The following SNX30 variants were observed in gnomAD, a reference collection of about 807,000 sequenced individuals.
SNX30 encodes sorting nexin-30.
SNX30 carries 24 observed loss-of-function variants against 46.4 expected under a neutral mutation model. The observed-to-expected ratio is 0.52, with a 90% CI of 0.37 to 0.73. SNX30 has a LOEUF of 0.73. SNX30 is among the 30% of genes least tolerant of loss of function. The pLI, the probability that SNX30 is intolerant of heterozygous loss-of-function variation, is 0.00. For missense variants in SNX30, 533 were observed against 555.7 expected (o/e 0.96, Z 0.41); for synonymous variants, 189 against 211.5 (o/e 0.89, Z 0.92).
chr9:112,880,956 C>A (rs1201825867), intron 5 of SNX30, among the ~76,000 whole-genome samples: 3 of 152,108 alleles, frequency 2.0e-5, no homozygotes, highest in Non-Finnish European at 2.9e-5. Flanking sequence ...TTTCTTTTTC[C>A]TGGAATCTCT....
intron 1 of SNX30, among the ~76,000 whole-genome samples, chr9:112,761,636 G>A (rs1393144561): frequency 6.6e-6 from 1 of 152,134 alleles, no homozygotes; most frequent in Non-Finnish European, 1.5e-5. Context: ...GGGGGTGACT[G>A]ACTAGAAAGT....
intron 2 of SNX30, among the ~76,000 whole-genome samples, chr9:112,816,196 T>A (rs1840393619): frequency 1.3e-5 from 2 of 152,152 alleles, no homozygotes; most frequent in South Asian, 4.1e-4. Flanking sequence ...CTTAGTGACA[T>A]GTTAGGGATC....
intron 6 of SNX30, among the ~76,000 whole-genome samples, chr9:112,848,129 A>T (rs1020892788): frequency 2.6e-5 from 4 of 151,930 alleles, no homozygotes; most frequent in African/African-American, 9.7e-5. Context: ...CGCCTTTTTG[A>T]TGTGTCATAT....
Position 112,812,863 on chromosome 9 carries a change from C to T in SNX30, c.349-4842C>T, listed in dbSNP as rs554826837. ...ATCCTCCCATTTTCCCTTAAAACAA[C>T]AGGCCGGGCATGGTGCCTCATGCCT... On this transcript the variant is annotated intron_variant, in intron 2 of 8. Transcript: ENST00000374232. Among the ~76,000 whole-genome samples, 3 of 152,230 alleles carry T rather than the reference C, an allele frequency of 2.0e-5. No individual in the cohort carries two copies. In the South Asian group the frequency reaches 6.2e-4, roughly 32 times the overall value.
intron 7 of SNX30, among the ~76,000 whole-genome samples, chr9:112,851,841 GTGTCT>G (rs1841033056): frequency 6.6e-6 from 1 of 152,190 alleles, no homozygotes; most frequent in Non-Finnish European, 1.5e-5. Context: ...TTTTCTTGCT[GTGTCT>G]TCTGCTCCTG....
At chr9:112,751,607 CGA>C (rs1839278343) in intron 1 of SNX30, among the ~76,000 whole-genome samples, 2 of 152,312 alleles carry the variant, frequency 1.3e-5, no homozygotes, top group South Asian at 2.1e-4. Flanking sequence ...GGGCTTACAG[CGA>C]GAGTCTTCTT....
intron 1 of SNX30, among the ~76,000 whole-genome samples, chr9:112,776,724 G>C (rs964402501): frequency 1.8e-4 from 27 of 152,210 alleles, no homozygotes; most frequent in African/African-American, 6.5e-4. Flanking sequence ...GATAGGGGTG[G>C]GGTAAGTCTG....
chr9:112,757,078 A>T (rs1028180914), intron 1 of SNX30, among the ~76,000 whole-genome samples: 1 of 152,228 alleles, frequency 6.6e-6, no homozygotes, highest in Non-Finnish European at 1.5e-5. Context: ...CATGTTCTAC[A>T]TTAGATCTCC....
At chr9:112,851,907 G>A (rs1218345186) in intron 7 of SNX30, among the ~76,000 whole-genome samples, 2 of 152,056 alleles carry the variant, frequency 1.3e-5, no homozygotes, top group Non-Finnish European at 2.9e-5. Context: ...TTACATTTGT[G>A]GGCTAAATGC....
At chr9:112,763,429 C>T (rs1008614140) in intron 1 of SNX30, among the ~76,000 whole-genome samples, 1 of 132,370 alleles carries the variant, frequency 7.6e-6, no homozygotes, top group African/African-American at 3.0e-5. Context: ...ACTATGTTGC[C>T]CAGGCTGGTC....
At chr9:112,812,279 G>A (rs1427966086) in intron 2 of SNX30, among the ~76,000 whole-genome samples, 1 of 152,022 alleles carries the variant, frequency 6.6e-6, no homozygotes, top group Non-Finnish European at 1.5e-5. Flanking sequence ...TTTTTGAGAC[G>A]GAGTCATCCT....
chr9:112,814,774 T>C (rs1480312200), intron 2 of SNX30, among the ~76,000 whole-genome samples: 1 of 152,216 alleles, frequency 6.6e-6, no homozygotes, highest in Non-Finnish European at 1.5e-5. Context: ...AATTAAAAAG[T>C]ATATGTACAC....
At chr9:112,884,687 A>G (rs1294702843), downstream of SNX30, among the ~76,000 whole-genome samples, 1 of 152,208 alleles carries the variant, frequency 6.6e-6, no homozygotes, top group African/African-American at 2.4e-5. Flanking sequence ...CAACAGAGGG[A>G]AACAGTGTGC....
chr9:112,805,923 T>G (rs992314406), intron 2 of SNX30, among the ~76,000 whole-genome samples: 5 of 152,244 alleles, frequency 3.3e-5, no homozygotes, highest in Admixed American at 6.5e-5. Flanking sequence ...ATATTTTAAT[T>G]TTTAAAAACC....
intron 7 of SNX30, among the ~76,000 whole-genome samples, chr9:112,863,932 A>G (rs1841277710): frequency 1.3e-5 from 2 of 152,220 alleles, no homozygotes; most frequent in Non-Finnish European, 2.9e-5. Flanking sequence ...TAAATCCTAA[A>G]AGGAACCAAA....
intron 1 of SNX30, among the ~76,000 whole-genome samples, chr9:112,787,146 T>C (rs939229318): frequency 2.0e-5 from 3 of 152,184 alleles, no homozygotes; most frequent in Non-Finnish European, 4.4e-5. Flanking sequence ...AAAAAGATGC[T>C]GTGTGGAAAC....
At chr9:112,751,695 C>G (rs1253059992) in intron 1 of SNX30, among the ~76,000 whole-genome samples, 1 of 152,052 alleles carries the variant, frequency 6.6e-6, no homozygotes, top group South Asian at 2.1e-4. Context: ...TGACTCAGAC[C>G]CCAGCCGGCG....
At chr9:112,819,679 T>C (rs1015400831) in intron 3 of SNX30, among the ~76,000 whole-genome samples, 2 of 152,236 alleles carry the variant, frequency 1.3e-5, no homozygotes, top group African/African-American at 4.8e-5. Flanking sequence ...TTCCCTTTTT[T>C]GGATGACCAT....
In SNX30 at chr9:112,838,688, C is replaced by A; in HGVS notation, c.1005C>A (p.Asp335Glu). ...PVLREYILYS[D>E]SMKSVLKKRD... ...TCAGGGAATATATTTTATACTCTGA[C>A]TCCATGAAGGTAAGCTGGCTTGCTT... Residue 335 changes from aspartate (D) to glutamate (E), a missense_variant, in exon 6 of 9, where the codon GAC (aspartate) becomes GAA (glutamate). By Grantham distance (45) the Asp-to-Glu change is conservative. Transcript: ENST00000374232. The A allele has an allele frequency of 6.2e-7, 1 of 1,613,760 alleles. No individual in the cohort carries two copies. Among genetic ancestry groups the A allele is most frequent in the Non-Finnish European group, 8.5e-7 (1 of 1,179,748 alleles).
Sources: gnomAD v4.1 joint callset for allele counts (sites outside exome capture counted in the v4.1 genomes callset) on GRCh38, gnomAD v4.1.1 for gene constraint, MANE v1.5 for transcripts, NCBI Gene and HGNC (gene_info 2026-07-23, HGNC 2026-07-21) for gene names.